The following TRDN variants were observed in gnomAD, a reference collection of about 807,000 sequenced individuals.
TRDN encodes triadin.
TRDN carries 161 observed loss-of-function variants against 149.7 expected under a neutral mutation model. The ratio of observed to expected loss-of-function variants is 1.08; its 90% CI spans 0.95 to 1.23. The LOEUF is 1.23. Ranked by LOEUF, TRDN falls within the 50% of genes most tolerant of loss-of-function variation. The pLI is 0.00. For missense variants in TRDN, 896 were observed against 823.5 expected (o/e 1.09, Z -1.08); for synonymous variants, 294 against 250.5 (o/e 1.17, Z -1.64).
At chr6:123,434,574 T>C (rs556630678) in intron 12 of TRDN, among the ~76,000 whole-genome samples, 2 of 152,262 alleles carry the variant, frequency 1.3e-5, no homozygotes, top group African/African-American at 4.8e-5. Flanking sequence ...AATAACATTG[T>C]AGGTACTCAG....
intron 34 of TRDN, 76 bp from the exon 35 acceptor site, chr6:123,259,738 T>A: frequency 9.5e-7 from 1 of 1,057,602 alleles, no homozygotes; most frequent in Non-Finnish European, 1.4e-6. Flanking sequence ...GAGTAAACAG[T>A]TGGAGATGAG....
Position 123,266,591 on chromosome 6 carries a change from T to TATATATATTATAATATGTATTATATATA in TRDN, c.1783+1088_1783+1115dup, listed in dbSNP as rs1562237637. Among the ~76,000 whole-genome samples, 6 of 57,110 alleles carry TATATATATTATAATATGTATTATATATA rather than the reference T, an allele frequency of 1.1e-4. 2 individuals carry two copies. Among genetic ancestry groups the TATATATATTATAATATGTATTATATATA allele is most frequent in the Non-Finnish European group, 1.5e-4 (6 of 38,730 alleles). 37.5% of individuals were successfully genotyped at this position (57,110 alleles called of 152,430 possible). A position where few individuals can be genotyped will look rare whatever the true frequency, so the allele number is the denominator to read the frequency against. Reference sequence around the variant, plus strand: ...ATATTATAATATGTATTATATATAATATATATATTATAATATGTATTATAT... The same window carrying TATATATATTATAATATGTATTATATATA: ...ATATTATAATATGTATTATATATAATATATATATTATAATATGTATTATATATAATATATATTATAATATGTATTATAT... On this transcript the variant is annotated intron_variant, in intron 32 of 40. Transcript: ENST00000334268.
intron 20 of TRDN, among the ~76,000 whole-genome samples, chr6:123,359,824 T>C (rs1444093910): frequency 6.6e-6 from 1 of 151,850 alleles, no homozygotes; most frequent in Non-Finnish European, 1.5e-5. Flanking sequence ...GCCTCCCGAG[T>C]AGCTGGGATT....
chr6:123,574,753 G>A lies in TRDN; in HGVS notation c.23-3621C>T, dbSNP rs541283410. 3.7e-4 allele frequency among the ~76,000 whole-genome samples: 55 copies of A among 150,580 alleles called. 1 individual carries two copies. The highest frequency in any genetic ancestry group is 1.1e-3 in the African/African-American group (47 of 41,116). ...ATTACACATACCTGCTTTGTATACC[G>A]AAACTCAAGGAGTAATTTTACTGAG... is the stretch of plus-strand genomic sequence containing the variant. On this transcript the variant is annotated intron_variant, in intron 1 of 40. Coordinates refer to ENST00000334268, the MANE Select transcript of TRDN (RefSeq NM_006073.4).
intron 10 of TRDN, among the ~76,000 whole-genome samples, chr6:123,461,924 G>A (rs532139776): frequency 8.5e-5 from 13 of 152,254 alleles, no homozygotes; most frequent in African/African-American, 3.1e-4. Context: ...ACTTGTAGGC[G>A]TTTCAGCCCT....
chr6:123,297,586 T>C (rs1582836344), intron 24 of TRDN, among the ~76,000 whole-genome samples: 1 of 152,186 alleles, frequency 6.6e-6, no homozygotes, highest in East Asian at 1.9e-4. Context: ...CTCCCAAGAA[T>C]TTTTGGCCAA....
intron 38 of TRDN, among the ~76,000 whole-genome samples, chr6:123,247,429 A>T (rs1562228547): frequency 6.6e-6 from 1 of 152,330 alleles, no homozygotes; most frequent in African/African-American, 2.4e-5. Context: ...ATGTGCAAAA[A>T]TCACAAGAAT....
At chr6:123,553,217 T>A (rs1781483175) in intron 2 of TRDN, among the ~76,000 whole-genome samples, 1 of 152,074 alleles carries the variant, frequency 6.6e-6, no homozygotes, top group Admixed American at 6.6e-5. Context: ...TCTCAGTTTC[T>A]CCCAAACTCT....
At position 123,512,377 on chromosome 6, in the gene TRDN, T is replaced by C. The variant is rs1309226350; in HGVS notation, c.551-15A>G. Reference sequence around the variant, plus strand: ...CTTGTGAGTTGCTTAAACAGAAAATTTTACATTAGTACACATTTTTAATAG... The same window carrying C: ...CTTGTGAGTTGCTTAAACAGAAAATCTTACATTAGTACACATTTTTAATAG... On this transcript the variant is annotated splice_polypyrimidine_tract_variant and intron_variant, in intron 6 of 40. Transcript: ENST00000334268. 1 of 1,420,218 alleles carries C rather than the reference T, an allele frequency of 7.0e-7. No individual in the cohort carries two copies. 88.0% of individuals were successfully genotyped at this position (1,420,218 alleles called of 1,614,324 possible). A position where few individuals can be genotyped will look rare whatever the true frequency, so the allele number is the denominator to read the frequency against.
At chr6:123,532,475 A>T (rs1321037557) in intron 4 of TRDN, among the ~76,000 whole-genome samples, 1 of 152,050 alleles carries the variant, frequency 6.6e-6, no homozygotes. Flanking sequence ...CCTTAAAAAC[A>T]GGCCTGAGAT....
Position 123,230,484 on chromosome 6 carries a change from T to C in TRDN, c.1976-6353A>G, listed in dbSNP as rs558821663. ...CACACCAACATGGCACATGTTTACA[T>C]ATGTAACAAACCTGCACATTGTGCA... On this transcript the variant is annotated intron_variant, in intron 38 of 40. Coordinates refer to ENST00000334268, the MANE Select transcript of TRDN (RefSeq NM_006073.4). 8.6e-5 allele frequency among the ~76,000 whole-genome samples: 13 copies of C among 151,790 alleles called. No individual in the cohort carries two copies. In the East Asian group the frequency reaches 2.5e-3, roughly 30 times the overall value.
intron 2 of TRDN, among the ~76,000 whole-genome samples, chr6:123,563,228 A>G (rs1782095351): frequency 6.6e-6 from 1 of 152,250 alleles, no homozygotes. Flanking sequence ...CTCTTACTCA[A>G]TATGACCCTA....
At chr6:123,246,562 A>C (rs2114557101) in intron 38 of TRDN, among the ~76,000 whole-genome samples, 1 of 152,192 alleles carries the variant, frequency 6.6e-6, no homozygotes, top group South Asian at 2.1e-4. Flanking sequence ...ATAGACCAAT[A>C]AAACGTTCTG....
chr6:123,454,160 A>T, intron 10 of TRDN, among the ~76,000 whole-genome samples: 1 of 152,002 alleles, frequency 6.6e-6, no homozygotes, highest in African/African-American at 2.4e-5. Context: ...GGGACAAAAG[A>T]CTACAAATAC....
intron 1 of TRDN, among the ~76,000 whole-genome samples, chr6:123,619,687 C>T (rs1785280133): frequency 1.3e-5 from 2 of 152,006 alleles, no homozygotes; most frequent in Non-Finnish European, 1.5e-5. Flanking sequence ...CTTGCTGCAG[C>T]CACTTTTGAA....
intron 9 of TRDN, among the ~76,000 whole-genome samples, chr6:123,476,674 A>G (rs1777492748): frequency 2.7e-5 from 4 of 147,486 alleles, no homozygotes; most frequent in Non-Finnish European, 6.1e-5. Flanking sequence ...ACAAGGCTAC[A>G]GTAACCAAAA....
At chr6:123,524,178 A>G (rs557257229) in intron 5 of TRDN, among the ~76,000 whole-genome samples, 24 of 152,280 alleles carry the variant, frequency 1.6e-4, no homozygotes, top group African/African-American at 5.5e-4. Context: ...AGCATGAATA[A>G]TTTGGGTGGA....
rs1333486041 is a variant in TRDN, at chr6:123,475,234, C to T, written c.854-10251G>A. Among the ~76,000 whole-genome samples, 153 of 148,960 alleles carry T rather than the reference C, an allele frequency of 1.0e-3. 1 individual carries two copies. The highest frequency in any genetic ancestry group is 8.0e-3 in the Admixed American group (120 of 15,038). On this transcript the variant is annotated intron_variant, in intron 9 of 40. Transcript: ENST00000334268. Reference sequence around the variant, plus strand: ...AAAATGATAAAGGGGATATCACCACCGATCCCACAGAAATACAAACTACCA... The same window carrying T: ...AAAATGATAAAGGGGATATCACCACTGATCCCACAGAAATACAAACTACCA...
chr6:123,257,191 G>T (rs1170536279), intron 35 of TRDN, among the ~76,000 whole-genome samples: 1 of 151,756 alleles, frequency 6.6e-6, no homozygotes, highest in Non-Finnish European at 1.5e-5. Flanking sequence ...TGTTGGCCAG[G>T]GTGGTCTCGA....
Sources: allele counts gnomAD v4.1 joint callset (sites outside exome capture counted in the v4.1 genomes callset), GRCh38; gene constraint gnomAD v4.1.1; transcripts MANE v1.5; gene names NCBI Gene and HGNC (gene_info 2026-07-23, HGNC 2026-07-21).